The following FARP2 variants were observed in gnomAD, a reference collection of about 807,000 sequenced individuals.
FARP2 encodes FERM, ARH/RhoGEF and pleckstrin domain protein 2, also known as FERM, ARHGEF and pleckstrin domain-containing protein 2.
FARP2 carries 111 observed loss-of-function variants against 130.5 expected under a neutral mutation model. The ratio of observed to expected loss-of-function variants is 0.85; its 90% confidence interval spans 0.73 to 1.00. The LOEUF is 1.00. Among genes scored for constraint, FARP2 ranks in the 50% least tolerant of loss-of-function variants. The pLI is 0.00. For missense variants in FARP2, 1,385 were observed against 1,346.3 expected (o/e 1.03, Z -0.45); for synonymous variants, 504 against 516.9 (o/e 0.98, Z 0.34).
In FARP2 at chr2:241,393,180, C is replaced by T. The variant is rs144508525; in HGVS notation, c.184-10648C>T. Among the ~76,000 whole-genome samples the T allele has an allele frequency of 0.012, 1,894 of 151,796 alleles. 108 individuals carry two copies. The East Asian group carries it at 0.19, about 15-fold the overall frequency. On this transcript the variant is annotated intron_variant, in intron 2 of 26. Transcript: ENST00000264042. ...GACTACAGGCACCTGCCACCACACC[C>T]GGCTAATTTTTGTATTTTTAGTAGA...
rs1189546836 is a variant in FARP2 at position 241,431,021 on chromosome 2, T to A, written c.772-658T>A. Among the ~76,000 whole-genome samples the A allele has an allele frequency of 4.2e-4, 64 of 150,806 alleles. 1 individual carries two copies. The highest frequency in any genetic ancestry group is 3.0e-5 in the Non-Finnish European group (2 of 67,680). On this transcript the variant is annotated intron_variant, in intron 8 of 26. Transcript: ENST00000264042. ...TCTCAAAAAAAAAAAAGAAAAAAAG[T>A]GCAAATCTTTCCACTTCTAATTTTC...
chr2:241,484,452 T>C, intron 21 of FARP2, 121 bp downstream of exon 21: 1 of 754,276 alleles, frequency 1.3e-6, no homozygotes, highest in Non-Finnish European at 2.3e-6. Context: ...TGCTGAGTAT[T>C]TGGCCGCACT....
At chr2:241,439,233 G>T (rs2063323504) in intron 12 of FARP2, among the ~76,000 whole-genome samples, 1 of 151,714 alleles carries the variant, frequency 6.6e-6, no homozygotes, top group African/African-American at 2.4e-5. Flanking sequence ...GCCCAGGCTG[G>T]TCTCAAACTC....
intron 2 of FARP2, 70 bp from the exon 3 acceptor site, chr2:241,403,758 C>A: frequency 1.1e-6 from 1 of 882,110 alleles, no homozygotes; most frequent in Non-Finnish European, 1.8e-6. Context: ...TAGTTTTATG[C>A]ACAGTTTTCA....
rs1297111159 is a variant in FARP2, at chr2:241,459,671, C to CT, written c.1587+2750dup. On this transcript the variant is annotated intron_variant, in intron 14 of 26. Coordinates refer to ENST00000264042, the MANE Select transcript of FARP2 (RefSeq NM_014808.4). This position sits in a 1 kb window ranked among gnomAD's most constrained non-coding sequence, Gnocchi z 5.3. ...ACAGGAATTGCATGCTCCTCTGGGC[C>CT]TATCCCTGGCCGCCGTCTCATCCCT... Among the ~76,000 whole-genome samples the CT allele has an allele frequency of 2.0e-5, 3 of 152,230 alleles. No homozygotes were observed. The highest frequency in any genetic ancestry group is 6.5e-5 in the Admixed American group (1 of 15,286).
At chr2:241,458,908 A>G (rs1050312866) in intron 14 of FARP2, among the ~76,000 whole-genome samples, 3 of 152,336 alleles carry the variant, frequency 2.0e-5, no homozygotes, top group Admixed American at 1.3e-4. Context: ...GGGGCACCTC[A>G]GGGTCCTCAC....
At chr2:241,437,916 C>T (rs76960339) in intron 12 of FARP2, among the ~76,000 whole-genome samples, 5,053 of 152,148 alleles carry the variant, frequency 0.033, 507 homozygotes, top group Admixed American at 0.19. Flanking sequence ...CTGCCCGCCT[C>T]GGCCTCCCAA....
chr2:241,431,583 TG>T (rs1169791873), intron 8 of FARP2, 95 bp from the exon 9 acceptor site: 6 of 694,540 alleles, frequency 8.6e-6, no homozygotes, highest in Middle Eastern at 2.4e-4. Flanking sequence ...AGTAGAGTGC[TG>T]TGTTGGCAAG....
rs1161933288 is a variant in FARP2, at chr2:241,484,055, T to C, written c.2332-187T>C. 5 of 1,389,282 alleles carry C rather than the reference T, an allele frequency of 3.6e-6. No homozygotes were observed. In the Admixed American group the frequency reaches 1.4e-4, roughly 38 times the overall value. 86.1% of individuals were successfully genotyped at this position (1,389,282 alleles called of 1,614,324 possible). A position where few individuals can be genotyped will look rare whatever the true frequency, so the allele number is the denominator to read the frequency against. ...CTGACCCAGCAGATGCACTGGTTCCTGTGGCCCTTTCCTGCCTCTGGTCAA... is the reference window on the plus strand; with the variant it reads ...CTGACCCAGCAGATGCACTGGTTCCCGTGGCCCTTTCCTGCCTCTGGTCAA... On this transcript the variant is annotated intron_variant, in intron 20 of 26. Coordinates refer to ENST00000264042, the MANE Select transcript of FARP2 (RefSeq NM_014808.4).
intron 18 of FARP2, among the ~76,000 whole-genome samples, chr2:241,469,534 G>A (rs2064256320): frequency 6.6e-6 from 1 of 152,168 alleles, no homozygotes; most frequent in Admixed American, 6.5e-5. Flanking sequence ...CAATGTTGAC[G>A]ATTCTCTTTC....
At chr2:241,465,795 C>T (rs2064154200) in intron 17 of FARP2, 1 of 1,549,658 alleles carries the variant, frequency 6.5e-7, no homozygotes, top group Admixed American at 2.0e-5. Flanking sequence ...CCTGTCCCAC[C>T]TTCTACCCAA....
At chr2:241,492,048 C>T (rs2064934082) in intron 24 of FARP2, among the ~76,000 whole-genome samples, 1 of 152,228 alleles carries the variant, frequency 6.6e-6, no homozygotes, top group African/African-American at 2.4e-5. Context: ...TGCCCAGGCA[C>T]CCTGCCATAG....
chr2:241,489,937 C>T (rs754476561), intron 21 of FARP2, 25 bp from the exon 22 acceptor site: 2 of 1,543,858 alleles, frequency 1.3e-6, no homozygotes, highest in Non-Finnish European at 1.8e-6. Context: ...GGCCACAAGA[C>T]TTGGACCGTT....
intron 21 of FARP2, among the ~76,000 whole-genome samples, chr2:241,485,426 G>C (rs1394965536): frequency 7.5e-6 from 1 of 133,464 alleles, no homozygotes; most frequent in East Asian, 2.4e-4. Flanking sequence ...TCCTTTCCTA[G>C]GATCTTCCCT....
intron 13 of FARP2, among the ~76,000 whole-genome samples, chr2:241,450,302 G>A (rs1290279894): frequency 6.6e-6 from 1 of 152,018 alleles, no homozygotes; most frequent in Non-Finnish European, 1.5e-5. Context: ...AGGCAAAGCT[G>A]CAGTGAGCCA....
intron 1 of FARP2, among the ~76,000 whole-genome samples, chr2:241,359,687 G>C (rs1219097099): frequency 6.6e-6 from 1 of 152,210 alleles, no homozygotes; most frequent in African/African-American, 2.4e-5. Flanking sequence ...TGGGCAGGTA[G>C]TACTGGTTAC....
intron 8 of FARP2, among the ~76,000 whole-genome samples, chr2:241,424,131 C>T (rs1050809582): frequency 6.6e-5 from 10 of 152,186 alleles, no homozygotes; most frequent in African/African-American, 2.4e-4. Flanking sequence ...AGCTACAGAA[C>T]TGTCCCCCCA....
intron 1 of FARP2, among the ~76,000 whole-genome samples, chr2:241,366,901 T>C (rs1219513615): frequency 6.6e-6 from 1 of 152,068 alleles, no homozygotes. Flanking sequence ...GTGCTGGCCC[T>C]GAATTTCCAC....
chr2:241,462,646 T>TA, intron 15 of FARP2, 34 bp downstream of exon 15: 2 of 1,359,416 alleles, frequency 1.5e-6, no homozygotes, highest in Non-Finnish European at 2.1e-6. Flanking sequence ...GATTTTTTTT[T>TA]AAAATAAATC....
Sources: allele counts gnomAD v4.1 joint callset (sites outside exome capture counted in the v4.1 genomes callset), GRCh38; gene constraint gnomAD v4.1.1; non-coding constraint Gnocchi (gnomAD v3.1); transcripts MANE v1.5; gene names NCBI Gene and HGNC (gene_info 2026-07-23, HGNC 2026-07-21).